Variants in STIM1 observed in about 807,000 individuals in gnomAD.
The protein encoded by STIM1 is stromal interaction molecule 1.
A neutral mutation model predicts 74.7 loss-of-function variants in STIM1; 25 were observed. The observed-to-expected ratio is 0.33, with a 90% CI of 0.24 to 0.47. STIM1 has a LOEUF of 0.47. Among genes scored for constraint, STIM1 ranks in the 20% least tolerant of loss-of-function variants. The pLI is 1.00. For missense variants in STIM1, 728 were observed against 920.8 expected, an observed-to-expected ratio of 0.79 and a Z score of 2.71; for synonymous variants, 328 against 348.8, an observed-to-expected ratio of 0.94 and a Z score of 0.66.
intron 1 of STIM1, among the ~76,000 whole-genome samples, chr11:3,884,093 GA>G: frequency 6.6e-6 from 1 of 152,278 alleles, no homozygotes; most frequent in East Asian, 1.9e-4. Flanking sequence ...ATTTTAGGTA[GA>G]GGGGTGGGGA....
chr11:3,896,178 A>G (rs534014431), intron 1 of STIM1, among the ~76,000 whole-genome samples: 1 of 151,864 alleles, frequency 6.6e-6, no homozygotes, highest in Admixed American at 6.6e-5. Flanking sequence ...TGCTGGGATT[A>G]CAGGCGTGAG....
At chr11:4,005,326 AC>A (rs1161663387) in intron 2 of STIM1, among the ~76,000 whole-genome samples, 1 of 152,294 alleles carries the variant, frequency 6.6e-6, no homozygotes, top group South Asian at 2.1e-4. Context: ...AAGACTTGGA[AC>A]CAACCCAAAT....
intron 12 of STIM1, chr11:4,086,852 A>G: frequency 6.5e-7 from 1 of 1,533,234 alleles, no homozygotes; most frequent in African/African-American, 1.4e-5. Flanking sequence ...GGGCATTCAG[A>G]GAGCTTGGGG....
At chr11:4,054,240 G>T (rs2133077421) in intron 3 of STIM1, among the ~76,000 whole-genome samples, 1 of 152,284 alleles carries the variant, frequency 6.6e-6, no homozygotes, top group South Asian at 2.1e-4. Flanking sequence ...GTCCTGAAAA[G>T]GGTTGGGCCT....
intron 3 of STIM1, among the ~76,000 whole-genome samples, chr11:4,025,616 A>T (rs1045192451): frequency 1.3e-5 from 2 of 152,228 alleles, no homozygotes; most frequent in African/African-American, 4.8e-5. Flanking sequence ...TTTCAAAAGT[A>T]GGAACTTAGA....
intron 1 of STIM1, among the ~76,000 whole-genome samples, chr11:3,920,772 C>A (rs1176865932): frequency 1.3e-5 from 2 of 151,906 alleles, no homozygotes; most frequent in Non-Finnish European, 2.9e-5. Context: ...TAGTGCTACC[C>A]TGAAGTATCT....
chr11:3,945,212 T>C (rs2093057349), intron 1 of STIM1, among the ~76,000 whole-genome samples: 1 of 152,206 alleles, frequency 6.6e-6, no homozygotes, highest in African/African-American at 2.4e-5. Context: ...CTGGCAGTTA[T>C]TGTGAGAATT....
chr11:4,047,873 C>T (rs1233815492), intron 3 of STIM1, among the ~76,000 whole-genome samples: 2 of 149,382 alleles, frequency 1.3e-5, no homozygotes. Context: ...GGCTGGAGTG[C>T]CATGGCGTGA....
At chr11:3,895,198 ACAGGG>A (rs896360922) in intron 1 of STIM1, among the ~76,000 whole-genome samples, 1 of 152,108 alleles carries the variant, frequency 6.6e-6, no homozygotes, top group Non-Finnish European at 1.5e-5. Context: ...TCACAGGCAA[ACAGGG>A]CAGGGGAGCA....
intron 1 of STIM1, among the ~76,000 whole-genome samples, chr11:3,856,857 G>A (rs1027175397): frequency 1.4e-4 from 22 of 152,166 alleles, no homozygotes; most frequent in African/African-American, 5.1e-4. Flanking sequence ...TGAAAGCCTG[G>A]TGTTCAGGTG....
At chr11:4,005,949 T>A (rs1049246517) in intron 2 of STIM1, among the ~76,000 whole-genome samples, 1 of 152,170 alleles carries the variant, frequency 6.6e-6, no homozygotes, top group Non-Finnish European at 1.5e-5. Flanking sequence ...ATGGTATGCT[T>A]CCTTGCTAGA....
chr11:3,935,839 A>C (rs1297764940), intron 1 of STIM1, among the ~76,000 whole-genome samples: 1 of 152,214 alleles, frequency 6.6e-6, no homozygotes, highest in Non-Finnish European at 1.5e-5. Flanking sequence ...CAGCAATCAC[A>C]AGACAGAGAT....
At chr11:3,895,913 C>CT (rs1227183613) in intron 1 of STIM1, among the ~76,000 whole-genome samples, 4 of 124,034 alleles carry the variant, frequency 3.2e-5, no homozygotes, top group Admixed American at 8.3e-5. Context: ...TTTCTTCTTT[C>CT]TTTTTTTTTG....
chr11:4,044,408 A>G (rs879306317), intron 3 of STIM1, among the ~76,000 whole-genome samples: 8 of 152,178 alleles, frequency 5.3e-5, no homozygotes, highest in Non-Finnish European at 8.8e-5. Context: ...GGAAAACAGA[A>G]CAAGACTTTT....
At chr11:3,873,367 G>A (rs941041941) in intron 1 of STIM1, among the ~76,000 whole-genome samples, 47 of 148,624 alleles carry the variant, frequency 3.2e-4, no homozygotes, top group Admixed American at 1.6e-3. Context: ...GCAGTGAGCC[G>A]AGATTGCGCC....
At chr11:4,010,030 C>G (rs2093820724) in intron 2 of STIM1, among the ~76,000 whole-genome samples, 1 of 152,048 alleles carries the variant, frequency 6.6e-6, no homozygotes, top group African/African-American at 2.4e-5. Flanking sequence ...CCAGACTAGT[C>G]TTGAACTCCT....
At chr11:4,006,066 T>G (rs2093777189) in intron 2 of STIM1, among the ~76,000 whole-genome samples, 1 of 152,216 alleles carries the variant, frequency 6.6e-6, no homozygotes, top group Admixed American at 6.5e-5. Flanking sequence ...CGTGTTGAAT[T>G]GTAATCCCCA....
At chr11:4,018,637 C>G (rs1459829868) in intron 2 of STIM1, among the ~76,000 whole-genome samples, 1 of 140,008 alleles carries the variant, frequency 7.1e-6, no homozygotes, top group Non-Finnish European at 1.5e-5. Context: ...AAGAATGAAA[C>G]TCTGTCTCAA....
chr11:3,878,187 T>G (rs776701443), intron 1 of STIM1, among the ~76,000 whole-genome samples: 1 of 151,954 alleles, frequency 6.6e-6, no homozygotes, highest in Non-Finnish European at 1.5e-5. Flanking sequence ...ACATATGGTC[T>G]GGGGAGAAGG....
Sources: gnomAD v4.1 joint callset for allele counts (sites outside exome capture counted in the v4.1 genomes callset) on GRCh38, gnomAD v4.1.1 for gene constraint, MANE v1.5 for transcripts, NCBI Gene and HGNC (gene_info 2026-07-23, HGNC 2026-07-21) for gene names.